The following ABCC1 variants were observed in gnomAD, a reference collection of about 807,000 sequenced individuals.
ABCC1 encodes ATP binding cassette subfamily C member 1 (ABCC1 blood group).
In ABCC1, 83 loss-of-function variants were observed where a neutral mutation model predicts 172.9. The ratio of observed to expected loss-of-function variants is 0.48; its 90% confidence interval spans 0.40 to 0.58. The LOEUF (loss-of-function observed/expected upper bound fraction) is 0.58, where lower values mean the gene tolerates loss of function less well. ABCC1 is among the 20% of genes least tolerant of loss of function. The probability of loss-of-function intolerance (pLI) is 0.00; values close to 1 mark genes in which losing one functional copy is unlikely to be tolerated. For missense variants in ABCC1, 1,817 were observed against 2,002.7 expected, an observed-to-expected ratio of 0.91 and a Z score of 1.77; for synonymous variants, 937 against 825.2, an observed-to-expected ratio of 1.14 and a Z score of -2.32.
rs114109349 is a variant in ABCC1, at chr16:16,108,001, C to A, written c.2871+1128C>A. Among the ~76,000 whole-genome samples, 986 of 152,030 alleles carry A rather than the reference C, an allele frequency of 6.5e-3. 16 individuals are homozygous for A. The highest frequency in any genetic ancestry group is 0.023 in the African/African-American group (941 of 41,460). ...GAGGACTGTCTGTTCCTGGCTTCTT[C>A]CTTAACTTGTCATCAGAGTCAGGAC... On this transcript the variant is annotated intron_variant, in intron 21 of 30. Coordinates refer to ENST00000399410, the MANE Select transcript of ABCC1 (RefSeq NM_004996.4).
chr16:16,124,803 G>T lies in ABCC1; in HGVS notation c.3605G>T (p.Arg1202Leu). Residue 1202 changes from arginine (R) to leucine (L), a missense_variant, in exon 25 of 31, where the codon CGG (arginine) becomes CTG (leucine). Arg to Leu is a moderately radical substitution (Grantham distance 102). Coordinates refer to ENST00000399410, the MANE Select transcript of ABCC1 (RefSeq NM_004996.4). The stretch of plus-strand genomic sequence containing the variant: ...TCTTGGCGCAGGTGGCTGGCCGTGC[G>T]GCTGGAGTGTGTGGGCAACTGCATC... Reference protein sequence around the residue: ...SIVANRWLAVRLECVGNCIVL... With the variant: ...SIVANRWLAVLLECVGNCIVL... The T allele has an allele frequency of 2.5e-6, 4 of 1,614,142 alleles. No homozygotes were observed. The highest frequency in any genetic ancestry group is 3.4e-6 in the Non-Finnish European group (4 of 1,180,022).
At chr16:16,106,954 T>C in intron 21 of ABCC1, 81 bp downstream of exon 21, 2 of 1,561,280 alleles carry the variant, frequency 1.3e-6, no homozygotes, top group Non-Finnish European at 1.7e-6. Context: ...GCAAAGTGCC[T>C]TGTCTATGTT....
intron 1 of ABCC1, among the ~76,000 whole-genome samples, chr16:16,002,855 G>A (rs548236996): frequency 5.9e-5 from 9 of 151,754 alleles, no homozygotes; most frequent in Non-Finnish European, 7.4e-5. Context: ...AGTGCCTTTT[G>A]TGGCAACAAA....
chr16:16,041,417 C>T (rs562566806), intron 7 of ABCC1, among the ~76,000 whole-genome samples: 5 of 152,190 alleles, frequency 3.3e-5, no homozygotes, highest in African/African-American at 9.6e-5. Context: ...GGCTTGAAAG[C>T]GGGCCACCTG....
chr16:15,986,500 G>A (rs957688065), intron 1 of ABCC1, among the ~76,000 whole-genome samples: 1 of 152,146 alleles, frequency 6.6e-6, no homozygotes, highest in South Asian at 2.1e-4. Context: ...GAACCCTAAC[G>A]TGAACCGTGC....
At chr16:16,125,738 G>GAAAAAAAAAA in intron 25 of ABCC1, 72 bp from the exon 26 acceptor site, 1 of 181,948 alleles carries the variant, frequency 5.5e-6, no homozygotes, top group Non-Finnish European at 9.5e-6. Context: ...TTATCTCAGT[G>GAAAAAAAAAA]GAAAAAAAGA....
At chr16:15,967,485 C>G (rs1046647802) in intron 1 of ABCC1, among the ~76,000 whole-genome samples, 8 of 151,770 alleles carry the variant, frequency 5.3e-5, no homozygotes, top group Non-Finnish European at 1.0e-4. Context: ...TTGCTGTCGT[C>G]TGATCCCAGC....
In ABCC1 at chr16:16,009,848, A is replaced by G. The variant is rs1186548215; in HGVS notation, c.298A>G (p.Ile100Val). The change falls in exon 3 of 31, where the codon ATA becomes GTA. Residue 100 changes from isoleucine (I) to valine (V), a missense_variant. Physicochemically the swap from Ile to Val is conservative, Grantham distance 29 (BLOSUM62 3). Transcript: ENST00000399410. ...CTCTTTCTGGGAAAGAAGTCGGGGC[A>G]TATTCCTGGCCCCAGTGTTTCTGGT... is the stretch of plus-strand genomic sequence containing the variant. The part of the protein sequence containing the change: ...FYSFWERSRG[I>V]FLAPVFLVSP... 3.0e-5 allele frequency: 49 copies of G among 1,611,710 alleles called. No homozygotes were observed. Among genetic ancestry groups the G allele is most frequent in the Middle Eastern group, 1.6e-4 (1 of 6,066 alleles).
At chr16:15,969,245 G>A (rs960215849) in intron 1 of ABCC1, among the ~76,000 whole-genome samples, 1 of 152,026 alleles carries the variant, frequency 6.6e-6, no homozygotes, top group Non-Finnish European at 1.5e-5. Context: ...TTTTTTGTTT[G>A]CGTGGGCTGG....
rs117590293 is a variant in ABCC1, at chr16:16,050,222, T to C, written c.1380+1919T>C. On this transcript the variant is annotated intron_variant, in intron 10 of 30. Transcript: ENST00000399410. ...GCTCATGCTTGTGATCTGAACACTTTGGGAGGCCAAGGCGGGTGGATCATC... is the reference window on the plus strand; with the variant it reads ...GCTCATGCTTGTGATCTGAACACTTCGGGAGGCCAAGGCGGGTGGATCATC... Among the ~76,000 whole-genome samples the C allele has an allele frequency of 7.2e-3, 1,092 of 152,218 alleles. 5 individuals carry two copies. The highest frequency in any genetic ancestry group is 0.013 in the Non-Finnish European group (887 of 68,008).
chr16:16,051,741 G>A (rs1393588032), intron 10 of ABCC1, among the ~76,000 whole-genome samples: 1 of 152,160 alleles, frequency 6.6e-6, no homozygotes, highest in Non-Finnish European at 1.5e-5. Context: ...CAGAGGGAAA[G>A]CGGTGTTCAG....
At chr16:15,987,446 C>T (rs1335221657) in intron 1 of ABCC1, among the ~76,000 whole-genome samples, 3 of 152,162 alleles carry the variant, frequency 2.0e-5, no homozygotes, top group Non-Finnish European at 4.4e-5. Context: ...TCAAACAGGG[C>T]TGCTTAGCTT....
At chr16:16,053,682 G>A (rs1215435727) in intron 11 of ABCC1, among the ~76,000 whole-genome samples, 2 of 148,620 alleles carry the variant, frequency 1.3e-5, no homozygotes, top group East Asian at 4.0e-4. Flanking sequence ...AGCTACTTGG[G>A]AGGCTGAAGC....
At chr16:16,094,850 A>C (rs1596489622) in intron 19 of ABCC1, among the ~76,000 whole-genome samples, 3 of 94,296 alleles carry the variant, frequency 3.2e-5, no homozygotes, top group African/African-American at 8.9e-5. Context: ...ACAGAGTCTC[A>C]CTTGTTGCCC....
At chr16:16,079,254 T>G (rs2050708221) in intron 15 of ABCC1, 98 bp from the exon 16 acceptor site, 1 of 1,536,996 alleles carries the variant, frequency 6.5e-7, no homozygotes, top group Non-Finnish European at 8.8e-7. Context: ...TGTCTTTCTC[T>G]TTCTCTACTT....
intron 1 of ABCC1, among the ~76,000 whole-genome samples, chr16:16,001,412 C>T (rs1166360369): frequency 6.6e-6 from 1 of 152,032 alleles, no homozygotes; most frequent in East Asian, 1.9e-4. Context: ...CGGGGTTTCA[C>T]TGTGGTCTCG....
intron 27 of ABCC1, among the ~76,000 whole-genome samples, chr16:16,132,510 GTTTTTTTTTTTTTTT>G (rs71137915): frequency 5.4e-5 from 2 of 37,298 alleles, no homozygotes; most frequent in African/African-American, 1.0e-4. Context: ...TTGGTTGGTT[GTTTTTTTTTTTTTTT>G]TTTTTTTTTT....
At chr16:16,129,894 C>G (rs1425648883) in intron 26 of ABCC1, among the ~76,000 whole-genome samples, 1 of 152,146 alleles carries the variant, frequency 6.6e-6, no homozygotes, top group Non-Finnish European at 1.5e-5. Context: ...TAAAAGTTGC[C>G]CGGCGTTTTC....
In ABCC1 at chr16:15,966,180, C is replaced by G. The variant is rs139324603; in HGVS notation, c.48+16381C>G. Among the ~76,000 whole-genome samples, 86 of 151,916 alleles carry G rather than the reference C, an allele frequency of 5.7e-4. 1 individual carries two copies. The East Asian group carries it at 0.016, about 28-fold the overall frequency. On this transcript the variant is annotated intron_variant, in intron 1 of 30. Coordinates refer to ENST00000399410, the MANE Select transcript of ABCC1 (RefSeq NM_004996.4). ...CTGTAATCCTAGCACTTTGGGAGGC[C>G]GAGGTGGGCGGATCACGAGGTCAGG...
Sources: gnomAD v4.1 joint callset for allele counts (sites outside exome capture counted in the v4.1 genomes callset) on GRCh38, gnomAD v4.1.1 for gene constraint, MANE v1.5 for transcripts, NCBI Gene and HGNC (gene_info 2026-07-23, HGNC 2026-07-21) for gene names.